Variants in TAOK1 observed in about 807,000 individuals in gnomAD.
TAOK1 encodes serine/threonine-protein kinase TAO1.
A neutral mutation model predicts 138.3 loss-of-function variants in TAOK1; 21 were observed. That is an observed-to-expected ratio of 0.15 (90% CI 0.11 to 0.22). The LOEUF is 0.22. Among genes scored for constraint, TAOK1 ranks in the 10% least tolerant of loss-of-function variants. The pLI, the probability that TAOK1 is intolerant of heterozygous loss-of-function variation, is 1.00. For missense variants in TAOK1, 651 were observed against 1,227.7 expected (o/e 0.53, Z 7.02); for synonymous variants, 361 against 398.4 (o/e 0.91, Z 1.12).
At chr17:29,477,763 G>C (rs1207989092) in intron 5 of TAOK1, 57 bp downstream of exon 5, 2 of 1,118,944 alleles carry the variant, frequency 1.8e-6, no homozygotes, top group African/African-American at 3.3e-5. Context: ...TGATAATTTA[G>C]ACATTATTTA....
chr17:29,453,608 G>A (rs1036716684), intron 2 of TAOK1, among the ~76,000 whole-genome samples: 3 of 150,762 alleles, frequency 2.0e-5, no homozygotes, highest in African/African-American at 2.4e-5. Flanking sequence ...ACAGAGCGTC[G>A]CTCTGTTGCC....
At chr17:29,451,362 A>G (rs1313851720) in intron 1 of TAOK1, 93 bp from the exon 2 acceptor site, 1 of 494,136 alleles carries the variant, frequency 2.0e-6, no homozygotes, top group African/African-American at 1.9e-5. Context: ...AATTCTAGAC[A>G]TGAGATAAAT....
At position 29,530,394 on chromosome 17, in the gene TAOK1, T is replaced by TTTTTC; in HGVS notation, c.2149-10_2149-6dup. 6.2e-7 allele frequency: 1 copy of TTTTTC among 1,610,404 alleles called. No individual in the cohort carries two copies. The highest frequency in any genetic ancestry group is 2.2e-5 in the East Asian group (1 of 44,866). On this transcript the variant is annotated splice_polypyrimidine_tract_variant and intron_variant, in intron 17 of 19. Transcript: ENST00000261716. ...GTTACAACTTACATAAATGTATTTT[T>TTTTTC]TTTTCTTCCCAGTCTAAAGAACTCC...
chr17:29,494,039 C>T (rs1330538227), intron 10 of TAOK1, among the ~76,000 whole-genome samples: 1 of 152,010 alleles, frequency 6.6e-6, no homozygotes, highest in Non-Finnish European at 1.5e-5. Context: ...GCCTCAGCCG[C>T]CCGAGTAGCT....
intron 1 of TAOK1, among the ~76,000 whole-genome samples, chr17:29,439,877 A>G (rs1906162559): frequency 6.8e-6 from 1 of 147,774 alleles, no homozygotes; most frequent in African/African-American, 2.5e-5. Flanking sequence ...AAAAAAAAAA[A>G]AAAAAAAAAA....
intron 1 of TAOK1, among the ~76,000 whole-genome samples, chr17:29,430,044 T>TA (rs1310594011): frequency 6.6e-6 from 1 of 152,202 alleles, no homozygotes; most frequent in African/African-American, 2.4e-5. Flanking sequence ...TTCTTCCATT[T>TA]GAATCAAAAA....
chr17:29,479,476 T>A (rs1000605778), intron 6 of TAOK1, among the ~76,000 whole-genome samples: 1 of 152,126 alleles, frequency 6.6e-6, no homozygotes, highest in Non-Finnish European at 1.5e-5. Flanking sequence ...AGTTAATAGG[T>A]TATCATTTTT....
intron 10 of TAOK1, among the ~76,000 whole-genome samples, chr17:29,493,494 G>GAA (rs1219822637): frequency 4.0e-5 from 5 of 124,362 alleles, no homozygotes; most frequent in African/African-American, 8.8e-5. Context: ...GCTCCATCTC[G>GAA]AAAAAAAAAA....
At chr17:29,483,081 T>TA (rs2031096860) in intron 8 of TAOK1, among the ~76,000 whole-genome samples, 1 of 152,156 alleles carries the variant, frequency 6.6e-6, no homozygotes, top group Non-Finnish European at 1.5e-5. Flanking sequence ...AAATTTTACT[T>TA]ATTTATTTAT....
rs754337569 is a variant in TAOK1, at chr17:29,511,004, A to G, written c.1704+12A>G. On this transcript the variant is annotated intron_variant, in intron 15 of 19. Coordinates refer to ENST00000261716, the MANE Select transcript of TAOK1 (RefSeq NM_020791.4). ...AGCAGCTTAAAGAGGTACTTATGTC[A>G]TAAAACTTTCCAAGCAAATTTTCTG... is the stretch of plus-strand genomic sequence containing the variant. 5.6e-5 allele frequency: 88 copies of G among 1,572,896 alleles called. No individual in the cohort carries two copies. The highest frequency in any genetic ancestry group is 6.9e-5 in the Non-Finnish European group (80 of 1,165,300).
At chr17:29,415,045 C>G (rs556472152) in intron 1 of TAOK1, among the ~76,000 whole-genome samples, 1 of 150,248 alleles carries the variant, frequency 6.7e-6, no homozygotes, top group Non-Finnish European at 1.5e-5. Context: ...CCTAGGCTCA[C>G]TGCAACCTCC....
chr17:29,508,716 A>G (rs1303836606), intron 14 of TAOK1, among the ~76,000 whole-genome samples: 1 of 150,878 alleles, frequency 6.6e-6, no homozygotes, highest in Non-Finnish European at 1.5e-5. Context: ...AGATTACTGT[A>G]ATAAATACAG....
intron 3 of TAOK1, among the ~76,000 whole-genome samples, chr17:29,468,121 T>G (rs1222937480): frequency 6.8e-6 from 1 of 147,506 alleles, no homozygotes; most frequent in East Asian, 2.1e-4. Context: ...ACCACTGTGC[T>G]TGGCCTGCTT....
chr17:29,471,225 T>G (rs1202601506), intron 3 of TAOK1, among the ~76,000 whole-genome samples: 2 of 151,322 alleles, frequency 1.3e-5, no homozygotes, highest in East Asian at 3.9e-4. Flanking sequence ...TGCAATAACA[T>G]TTTGTCTAAA....
At chr17:29,397,218 C>T (rs1349048356) in intron 1 of TAOK1, among the ~76,000 whole-genome samples, 5 of 150,956 alleles carry the variant, frequency 3.3e-5, no homozygotes, top group Non-Finnish European at 7.4e-5. Flanking sequence ...TCATTTGAAC[C>T]TGGGAGGCAG....
Position 29,548,772 on chromosome 17 carries a change from T to C in TAOK1, c.*5750T>C, listed in dbSNP as rs1417417329. On this transcript the variant is annotated 3_prime_UTR_variant, in exon 20 of 20. Coordinates refer to ENST00000261716, the MANE Select transcript of TAOK1 (RefSeq NM_020791.4). ...ATTTTTTTGTTTTTGTACTAAAGTT[T>C]ATAGGTCTGTGCCAGCTAGAGAGAA... 6.6e-6 allele frequency: 1 copy of C among 152,062 alleles called. No individual in the cohort carries two copies. The highest frequency in any genetic ancestry group is 2.4e-5 in the African/African-American group (1 of 41,408). 9.4% of individuals were successfully genotyped at this position (152,062 alleles called of 1,614,324 possible).
At chr17:29,414,419 T>G (rs1905219221) in intron 1 of TAOK1, among the ~76,000 whole-genome samples, 1 of 151,512 alleles carries the variant, frequency 6.6e-6, no homozygotes, top group Non-Finnish European at 1.5e-5. Context: ...CTGGCTAATT[T>G]TTGTATTTTT....
chr17:29,412,810 A>G (rs1056053323), intron 1 of TAOK1, among the ~76,000 whole-genome samples: 1 of 152,226 alleles, frequency 6.6e-6, no homozygotes. Flanking sequence ...TCATGAACCC[A>G]TATAAATGTT....
chr17:29,421,982 C>T (rs1478984801), intron 1 of TAOK1, among the ~76,000 whole-genome samples: 4 of 152,022 alleles, frequency 2.6e-5, no homozygotes, highest in Non-Finnish European at 4.4e-5. Context: ...ACTGCAAGCT[C>T]CATCTCCCGG....
Sources: gnomAD v4.1 joint callset for allele counts (sites outside exome capture counted in the v4.1 genomes callset) on GRCh38, gnomAD v4.1.1 for gene constraint, MANE v1.5 for transcripts, NCBI Gene and HGNC (gene_info 2026-07-23, HGNC 2026-07-21) for gene names.